ZNF536: variants seen among roughly 807,000 people sequenced by gnomAD.
ZNF536 encodes zinc finger protein 536.
ZNF536 carries 13 observed loss-of-function variants against 84.5 expected under a neutral mutation model. The observed-to-expected ratio is 0.15, with a 90% confidence interval of 0.10 to 0.24. The LOEUF (loss-of-function observed/expected upper bound fraction) is 0.24, where lower values mean the gene tolerates loss of function less well. Among genes scored for constraint, ZNF536 ranks in the 10% least tolerant of loss-of-function variants. The probability of loss-of-function intolerance (pLI) is 1.00; values close to 1 mark genes in which losing one functional copy is unlikely to be tolerated. For synonymous variants in ZNF536, 811 were observed against 742.5 expected, an observed-to-expected ratio of 1.09 and a Z score of -1.50; for missense variants, 1,536 against 1,747.5, an observed-to-expected ratio of 0.88 and a Z score of 2.16.
At chr19:30,570,255 A>G (rs541425673) in intron 1 of ZNF536, among the ~76,000 whole-genome samples, 6 of 152,240 alleles carry the variant, frequency 3.9e-5, no homozygotes, top group African/African-American at 1.4e-4. Context: ...CCCTCCCTCC[A>G]CATCCTGTCA....
intron 1 of ZNF536, among the ~76,000 whole-genome samples, chr19:30,590,395 G>A (rs1422893462): frequency 6.6e-6 from 1 of 152,192 alleles, no homozygotes; most frequent in Non-Finnish European, 1.5e-5. Context: ...GGTGTCTTGG[G>A]CAAAGGAGAG....
chr19:30,384,577 A>G (rs988937472), intron 1 of ZNF536, among the ~76,000 whole-genome samples: 16 of 151,758 alleles, frequency 1.1e-4, no homozygotes, highest in Middle Eastern at 3.4e-3. Context: ...ACCTTCAGGC[A>G]TCGATGTGGG....
chr19:30,530,778 CTGCAGT>C (rs375928847), intron 2 of ZNF536, among the ~76,000 whole-genome samples: 284 of 152,346 alleles, frequency 1.9e-3, no homozygotes, highest in Middle Eastern at 3.4e-3. Flanking sequence ...GGACTCCCTC[CTGCAGT>C]TTGCAGAGGG....
chr19:30,623,107 G>A (rs890679867), intron 1 of ZNF536, among the ~76,000 whole-genome samples: 3 of 148,644 alleles, frequency 2.0e-5, no homozygotes. Flanking sequence ...GGAACAATTG[G>A]TGTCATTCTT....
chr19:30,412,039 A>G (rs2050516452), intron 1 of ZNF536, among the ~76,000 whole-genome samples: 1 of 151,350 alleles, frequency 6.6e-6, no homozygotes, highest in Admixed American at 6.6e-5. Flanking sequence ...ACAACTTACA[A>G]TTGTTTTTTT....
chr19:30,640,606 C>CT (rs1812973347), intron 1 of ZNF536, among the ~76,000 whole-genome samples: 1 of 152,164 alleles, frequency 6.6e-6, no homozygotes, highest in African/African-American at 2.4e-5. Context: ...CTCCCTGCAC[C>CT]GTCTTACCAG....
chr19:30,441,799 C>T (rs1180941823), intron 1 of ZNF536, among the ~76,000 whole-genome samples: 1 of 152,198 alleles, frequency 6.6e-6, no homozygotes, highest in Non-Finnish European at 1.5e-5. Flanking sequence ...CACTGTAATC[C>T]CTCTGCCTCC....
At chr19:30,390,504 G>T (rs1163920778) in intron 1 of ZNF536, among the ~76,000 whole-genome samples, 2 of 152,200 alleles carry the variant, frequency 1.3e-5, no homozygotes, top group South Asian at 4.1e-4. Flanking sequence ...AGTGAGTACA[G>T]GCTCCCCAGC....
chr19:30,229,767 C>T (rs112392981), intron 1 of ZNF536, among the ~76,000 whole-genome samples: 1 of 152,200 alleles, frequency 6.6e-6, no homozygotes, highest in African/African-American at 2.4e-5. Flanking sequence ...ATAGCACTGA[C>T]GTCCTGCTCC....
chr19:30,689,316 C>A (rs2051316350), intron 1 of ZNF536, among the ~76,000 whole-genome samples: 2 of 152,220 alleles, frequency 1.3e-5, no homozygotes, highest in African/African-American at 2.4e-5. Flanking sequence ...TTCAATGAGA[C>A]ATTGATTTGT....
chr19:30,516,090 CAGTTGAGAAT>C (rs771640959), intron 2 of ZNF536, among the ~76,000 whole-genome samples: 2 of 151,492 alleles, frequency 1.3e-5, no homozygotes, highest in African/African-American at 2.4e-5. Flanking sequence ...GCCCAGTGCT[CAGTTGAGAAT>C]CCTACATAGG....
At chr19:30,427,021 C>T (rs1228263662) in intron 1 of ZNF536, among the ~76,000 whole-genome samples, 2 of 152,262 alleles carry the variant, frequency 1.3e-5, no homozygotes, top group African/African-American at 2.4e-5. Context: ...CATCTGACAC[C>T]TACTAAATTT....
At chr19:30,582,215 C>T (rs1158419703) in intron 1 of ZNF536, among the ~76,000 whole-genome samples, 3 of 152,010 alleles carry the variant, frequency 2.0e-5, no homozygotes, top group African/African-American at 4.8e-5. Flanking sequence ...AATGGGCAGA[C>T]GTGCACCAAA....
At chr19:30,304,656 C>A (rs1600148537) in intron 2 of ZNF536, among the ~76,000 whole-genome samples, 1 of 152,144 alleles carries the variant, frequency 6.6e-6, no homozygotes, top group African/African-American at 2.4e-5. Flanking sequence ...GGTGAGGTGA[C>A]CTGGTAGGGT....
intron 1 of ZNF536, among the ~76,000 whole-genome samples, chr19:30,695,997 A>T (rs2051641636): frequency 6.6e-6 from 1 of 152,142 alleles, no homozygotes; most frequent in Non-Finnish European, 1.5e-5. Context: ...TAGACTCCTT[A>T]TTTTTGCCAT....
chr19:30,532,456 C>T (rs2044876685), intron 2 of ZNF536, among the ~76,000 whole-genome samples: 1 of 152,108 alleles, frequency 6.6e-6, no homozygotes, highest in South Asian at 2.1e-4. Flanking sequence ...TGAAACCTGC[C>T]CCTGCCTACC....
At chr19:30,301,274 A>G (rs553077017) in intron 2 of ZNF536, among the ~76,000 whole-genome samples, 96 of 152,280 alleles carry the variant, frequency 6.3e-4, no homozygotes, top group African/African-American at 2.3e-3. Context: ...ACCTCTTCAC[A>G]TGATAATTTT....
chr19:30,593,548 C>A (rs2047343972), intron 1 of ZNF536, among the ~76,000 whole-genome samples: 1 of 152,166 alleles, frequency 6.6e-6, no homozygotes, highest in South Asian at 2.1e-4. Flanking sequence ...GCAGGCCCAG[C>A]ACACCCGGCT....
chr19:30,286,717 C>T (rs528844446), intron 2 of ZNF536, among the ~76,000 whole-genome samples: 1 of 152,224 alleles, frequency 6.6e-6, no homozygotes, highest in Admixed American at 6.5e-5. Context: ...ATTTTGAATA[C>T]AAAATTTATA....
Sources: allele counts gnomAD v4.1 joint callset (sites outside exome capture counted in the v4.1 genomes callset), GRCh38; gene constraint gnomAD v4.1.1; transcripts MANE v1.5; gene names NCBI Gene and HGNC (gene_info 2026-07-23, HGNC 2026-07-21).